The following ERCC6L2 variants were observed in gnomAD, a reference collection of about 807,000 sequenced individuals.
ERCC6L2 encodes DNA excision repair protein ERCC-6-like 2.
ERCC6L2 carries 77 observed loss-of-function variants against 132.0 expected under a neutral mutation model. The ratio of observed to expected loss-of-function variants is 0.58; its 90% confidence interval spans 0.49 to 0.71. The LOEUF (loss-of-function observed/expected upper bound fraction) is 0.71, where lower values mean the gene tolerates loss of function less well. ERCC6L2 is among the 30% of genes least tolerant of loss of function. The probability of loss-of-function intolerance (pLI) is 0.00; values close to 1 mark genes in which losing one functional copy is unlikely to be tolerated. For synonymous variants in ERCC6L2, 583 were observed against 632.4 expected, an observed-to-expected ratio of 0.92 and a Z score of 1.17; for missense variants, 1,542 against 1,837.6, an observed-to-expected ratio of 0.84 and a Z score of 2.94.
intron 1 of ERCC6L2, among the ~76,000 whole-genome samples, chr9:95,877,579 G>A (rs1564186496): frequency 1.3e-5 from 2 of 152,030 alleles, no homozygotes; most frequent in Admixed American, 6.5e-5. Flanking sequence ...AGTACTTTGG[G>A]GAAGCTTAGG....
Position 95,928,794 on chromosome 9 carries a change from G to A in ERCC6L2, c.1681G>A (p.Glu561Lys), listed in dbSNP as rs1280242105. The change falls in exon 11 of 19, where the codon GAG (glutamate) becomes AAG (lysine). Residue 561 changes from glutamate (E) to lysine (K), a missense_variant. Transcript: ENST00000653738. The stretch of plus-strand genomic sequence containing the variant: ...ACGACTTGATGGAAGTACAAAATCA[G>A]AGGAAAGACTCAAGATTGTAAAAGA... The part of the protein sequence containing the change: ...YRRLDGSTKS[E>K]ERLKIVKEFN... 4.3e-6 allele frequency: 7 copies of A among 1,613,092 alleles called. No individual in the cohort carries two copies. The Admixed American group carries it at 5.0e-5, about 12-fold the overall frequency.
rs1030973549 is a variant in ERCC6L2 at position 96,016,335 on chromosome 9, A to G, written c.*3132A>G. Among the ~76,000 whole-genome samples the G allele has an allele frequency of 2.0e-4, 31 of 152,368 alleles. No individual in the cohort carries two copies. The highest frequency in any genetic ancestry group is 6.3e-4 in the African/African-American group (26 of 41,586). ...CATGGAGCACTAATTTGAAAACCAC[A>G]GAGATGAGATCATTTCTAAGAAAAC... On this transcript the variant is annotated 3_prime_UTR_variant, in exon 19 of 19. Coordinates refer to ENST00000653738, the MANE Select transcript of ERCC6L2 (RefSeq NM_020207.7).
At chr9:95,900,332 G>A (rs1222044691) in intron 3 of ERCC6L2, among the ~76,000 whole-genome samples, 1 of 151,922 alleles carries the variant, frequency 6.6e-6, no homozygotes, top group Non-Finnish European at 1.5e-5. Context: ...AGGCTGCAGT[G>A]AGCCGTGATC....
intron 12 of ERCC6L2, among the ~76,000 whole-genome samples, chr9:95,945,430 G>A (rs939695311): frequency 3.3e-5 from 5 of 152,020 alleles, no homozygotes; most frequent in Non-Finnish European, 7.4e-5. Context: ...TGCAGTTAAC[G>A]CAATCATCAC....
At chr9:95,970,394 A>C (rs1445971472) in intron 14 of ERCC6L2, among the ~76,000 whole-genome samples, 182 bp from the exon 15 acceptor site, 2 of 152,180 alleles carry the variant, frequency 1.3e-5, no homozygotes, top group Admixed American at 1.3e-4. Flanking sequence ...AATGTTATAT[A>C]AATGTTTATA....
intron 19 of ERCC6L2, among the ~76,000 whole-genome samples, chr9:96,032,566 C>G (rs1206983545): frequency 6.6e-6 from 1 of 152,222 alleles, no homozygotes. Flanking sequence ...ACAGCCTCCG[C>G]TTTGGTGGGT....
intron 14 of ERCC6L2, chr9:95,968,244 C>G (rs1168117809): frequency 6.6e-6 from 1 of 152,160 alleles, no homozygotes; most frequent in Non-Finnish European, 1.5e-5. Flanking sequence ...CCATGTCTTA[C>G]ATTTTCTTTT....
intron 11 of ERCC6L2, among the ~76,000 whole-genome samples, chr9:95,930,727 C>T (rs1023070282): frequency 2.0e-5 from 3 of 151,912 alleles, no homozygotes; most frequent in Non-Finnish European, 2.9e-5. Context: ...TCCTGGATCC[C>T]GTGTCTTCTT....
intron 18 of ERCC6L2, among the ~76,000 whole-genome samples, chr9:96,011,045 A>ATGGCC (rs1834010623): frequency 6.6e-6 from 1 of 152,218 alleles, no homozygotes; most frequent in African/African-American, 2.4e-5. Flanking sequence ...GTTCTATCTC[A>ATGGCC]TGGCCCAAAC....
Position 96,016,260 on chromosome 9 carries a change from A to T in ERCC6L2, c.*3057A>T, listed in dbSNP as rs1047774916. On this transcript the variant is annotated 3_prime_UTR_variant, in exon 19 of 19. Transcript: ENST00000653738. The stretch of plus-strand genomic sequence containing the variant: ...TATCTTAATCAGAAACTTAACTAGT[A>T]AAACAATTAAAATGCAAGTCTGTTG... 1.3e-5 allele frequency among the ~76,000 whole-genome samples: 2 copies of T among 152,246 alleles called. No homozygotes were observed. The highest frequency in any genetic ancestry group is 2.9e-5 in the Non-Finnish European group (2 of 68,042).
chr9:96,022,013 C>T (rs948136021), downstream of ERCC6L2, among the ~76,000 whole-genome samples: 4 of 152,124 alleles, frequency 2.6e-5, no homozygotes, highest in Non-Finnish European at 5.9e-5. Flanking sequence ...CGCAGGTCGG[C>T]CCTGCAGCTG....
intron 8 of ERCC6L2, 115 bp downstream of exon 8, chr9:95,922,533 T>G (rs1402041685): frequency 1.5e-6 from 1 of 657,132 alleles, no homozygotes; most frequent in Non-Finnish European, 2.6e-6. Flanking sequence ...GAAACTGATT[T>G]GCTTATTTTT....
At chr9:96,031,450 T>C (rs1834459733) in intron 19 of ERCC6L2, among the ~76,000 whole-genome samples, 1 of 152,206 alleles carries the variant, frequency 6.6e-6, no homozygotes, top group African/African-American at 2.4e-5. Context: ...ACCAACATGA[T>C]GTATCTGCCA....
chr9:96,029,375 G>C (rs1250379141), intron 19 of ERCC6L2, among the ~76,000 whole-genome samples: 1 of 151,050 alleles, frequency 6.6e-6, no homozygotes, highest in Non-Finnish European at 1.5e-5. Flanking sequence ...AGGATAAGAC[G>C]TTAGGATACA....
At chr9:95,915,119 G>C (rs937969846) in intron 4 of ERCC6L2, among the ~76,000 whole-genome samples, 1 of 152,104 alleles carries the variant, frequency 6.6e-6, no homozygotes, top group African/African-American at 2.4e-5. Context: ...CTTTTCGGCT[G>C]TTCAGTGTTT....
chr9:95,909,389 A>G (rs1008021656), intron 4 of ERCC6L2, among the ~76,000 whole-genome samples: 2 of 152,186 alleles, frequency 1.3e-5, no homozygotes, highest in Non-Finnish European at 2.9e-5. Flanking sequence ...GAGTGCAATC[A>G]CTATCCCAAA....
At chr9:95,907,732 C>T (rs1447262752) in intron 4 of ERCC6L2, among the ~76,000 whole-genome samples, 2 of 151,606 alleles carry the variant, frequency 1.3e-5, no homozygotes, top group Admixed American at 1.3e-4. Context: ...TCATGTACAG[C>T]CTTTTATGCA....
At chr9:96,031,877 C>T (rs1263387864) in intron 19 of ERCC6L2, among the ~76,000 whole-genome samples, 1 of 152,190 alleles carries the variant, frequency 6.6e-6, no homozygotes, top group East Asian at 1.9e-4. Context: ...GAGTGGCCGT[C>T]CTGAGTCCGT....
At chr9:95,886,106 C>G (rs1236315797) in intron 2 of ERCC6L2, among the ~76,000 whole-genome samples, 1 of 152,066 alleles carries the variant, frequency 6.6e-6, no homozygotes, top group African/African-American at 2.4e-5. Flanking sequence ...AAGTCCACCT[C>G]CGGGGCCCAA....
Sources: allele counts gnomAD v4.1 joint callset (sites outside exome capture counted in the v4.1 genomes callset), GRCh38; gene constraint gnomAD v4.1.1; transcripts MANE v1.5; gene names NCBI Gene and HGNC (gene_info 2026-07-23, HGNC 2026-07-21).